The following ZNF407 variants were observed in gnomAD, a reference collection of about 807,000 sequenced individuals.
ZNF407 encodes zinc finger protein 407.
In ZNF407, 17 loss-of-function variants were observed where a neutral mutation model predicts 131.2. The observed-to-expected ratio is 0.13, with a 90% CI of 0.09 to 0.19. ZNF407 has a LOEUF of 0.19. Among genes scored for constraint, ZNF407 ranks in the 10% least tolerant of loss-of-function variants. The probability of loss-of-function intolerance (pLI) is 1.00; values close to 1 mark genes in which losing one functional copy is unlikely to be tolerated. For missense variants in ZNF407, 2,681 were observed against 2,830.6 expected (o/e 0.95, Z 1.20); for synonymous variants, 1,156 against 1,062.0 (o/e 1.09, Z -1.72).
chr18:74,997,295 C>T (rs960203695), intron 8 of ZNF407, among the ~76,000 whole-genome samples: 6 of 152,120 alleles, frequency 3.9e-5, no homozygotes, highest in Middle Eastern at 3.2e-3. Flanking sequence ...ATCAACTCAA[C>T]AGTTCCGTGA....
intron 3 of ZNF407, among the ~76,000 whole-genome samples, chr18:74,651,230 G>A (rs1043343774): frequency 1.3e-5 from 2 of 152,076 alleles, no homozygotes; most frequent in African/African-American, 4.8e-5. Context: ...TATGAAGAGC[G>A]ATGGAATTTA....
At chr18:74,789,928 CTGGTTGCCAGTCTAAATCA>C (rs1013552668) in intron 4 of ZNF407, among the ~76,000 whole-genome samples, 2 of 150,630 alleles carry the variant, frequency 1.3e-5, no homozygotes, top group African/African-American at 4.9e-5. Flanking sequence ...CCCACCTCTC[CTGGTTGCCAGTCTAAATCA>C]TGTCTTTATT....
At chr18:74,820,025 A>T (rs1970319161) in intron 4 of ZNF407, among the ~76,000 whole-genome samples, 1 of 152,172 alleles carries the variant, frequency 6.6e-6, no homozygotes, top group Non-Finnish European at 1.5e-5. Flanking sequence ...GCACTGAAGG[A>T]GGGCAGTGTA....
chr18:74,737,603 T>C (rs982571313), intron 3 of ZNF407, among the ~76,000 whole-genome samples: 1 of 152,182 alleles, frequency 6.6e-6, no homozygotes, highest in Admixed American at 6.5e-5. Context: ...GTGCAGTGCA[T>C]GTGTGTGGAT....
At chr18:74,662,240 G>T (rs1985747030) in intron 3 of ZNF407, among the ~76,000 whole-genome samples, 1 of 152,130 alleles carries the variant, frequency 6.6e-6, no homozygotes, top group Non-Finnish European at 1.5e-5. Context: ...TGGTAACTCA[G>T]AAAGGGCTTT....
chr18:74,796,623 GA>G (rs1385943222), intron 4 of ZNF407, among the ~76,000 whole-genome samples: 3 of 152,046 alleles, frequency 2.0e-5, no homozygotes, highest in Non-Finnish European at 4.4e-5. Context: ...CATCTTTTTT[GA>G]AAAGCAAGCT....
At chr18:74,833,216 C>G (rs754171147) in intron 4 of ZNF407, among the ~76,000 whole-genome samples, 1 of 152,218 alleles carries the variant, frequency 6.6e-6, no homozygotes, top group Non-Finnish European at 1.5e-5. Context: ...CTCTTAGCAG[C>G]TGTTGCAGGG....
intron 4 of ZNF407, among the ~76,000 whole-genome samples, chr18:74,851,838 G>T (rs1274132379): frequency 6.6e-6 from 1 of 152,172 alleles, no homozygotes; most frequent in Admixed American, 6.5e-5. Context: ...CATTCATTTG[G>T]AATTCTTGCT....
rs75634049 is a variant in ZNF407, at chr18:74,976,454, G to A, written c.5428+55762G>A. The stretch of plus-strand genomic sequence containing the variant: ...CCCTGCAGGTTGATCACAGACCTGC[G>A]ACCTGTAATTCAATAGAGCTGGGCC... On this transcript the variant is annotated intron_variant, in intron 8 of 8. Transcript: ENST00000299687. 2.8e-4 allele frequency among the ~76,000 whole-genome samples: 43 copies of A among 152,240 alleles called. 1 individual carries two copies. The East Asian group carries it at 7.9e-3, about 28-fold the overall frequency.
At chr18:74,808,201 CAG>C (rs774042897) in intron 4 of ZNF407, among the ~76,000 whole-genome samples, 18 of 152,222 alleles carry the variant, frequency 1.2e-4, no homozygotes, top group Non-Finnish European at 2.4e-4. Context: ...TTAGTAGAGA[CAG>C]GGGTTTCTCC....
intron 7 of ZNF407, among the ~76,000 whole-genome samples, chr18:74,910,905 C>T (rs1409585698): frequency 6.6e-6 from 1 of 152,096 alleles, no homozygotes; most frequent in Non-Finnish European, 1.5e-5. Flanking sequence ...TTCCCGTATC[C>T]CTTTCCCACC....
Position 74,981,339 on chromosome 18 carries a change from C to T in ZNF407, c.5428+60647C>T, listed in dbSNP as rs111509712. Among the ~76,000 whole-genome samples, 260 of 152,292 alleles carry T rather than the reference C, an allele frequency of 1.7e-3. 2 individuals carry two copies. Among genetic ancestry groups the T allele is most frequent in the African/African-American group, 5.9e-3 (247 of 41,562 alleles). On this transcript the variant is annotated intron_variant, in intron 8 of 8. Coordinates refer to ENST00000299687, the MANE Select transcript of ZNF407 (RefSeq NM_017757.3). Reference sequence around the variant, plus strand: ...GTCTAGGAGTGAGTCCCTGGAAAGCCGCAGCTCCAGGCCTCAGTTGAGTGA... The same window carrying T: ...GTCTAGGAGTGAGTCCCTGGAAAGCTGCAGCTCCAGGCCTCAGTTGAGTGA...
intron 8 of ZNF407, among the ~76,000 whole-genome samples, chr18:74,990,829 G>T (rs930807773): frequency 3.3e-5 from 5 of 152,184 alleles, no homozygotes; most frequent in African/African-American, 1.2e-4. Context: ...TGGATGAACT[G>T]CAATCTGTTC....
chr18:74,812,332 A>C (rs1970208803), intron 4 of ZNF407, among the ~76,000 whole-genome samples: 1 of 152,224 alleles, frequency 6.6e-6, no homozygotes, highest in South Asian at 2.1e-4. Context: ...CTACTTAGCA[A>C]ATTGCTTACA....
At chr18:74,992,263 A>G (rs1168357675) in intron 8 of ZNF407, among the ~76,000 whole-genome samples, 2 of 152,228 alleles carry the variant, frequency 1.3e-5, no homozygotes, top group African/African-American at 4.8e-5. Flanking sequence ...TAAAAGATAA[A>G]GTACTATAAA....
chr18:74,853,938 G>A (rs977464934), intron 4 of ZNF407, among the ~76,000 whole-genome samples: 1 of 152,164 alleles, frequency 6.6e-6, no homozygotes, highest in Admixed American at 6.5e-5. Context: ...TTTGTTTTCG[G>A]ATCAGTGGGA....
At chr18:74,825,962 AACC>A (rs1386453986) in intron 4 of ZNF407, among the ~76,000 whole-genome samples, 8 of 152,190 alleles carry the variant, frequency 5.3e-5, no homozygotes, top group Non-Finnish European at 1.0e-4. Flanking sequence ...GAGCTCACCT[AACC>A]ACATACACTA....
At chr18:74,781,402 T>C (rs1339507700) in intron 3 of ZNF407, 26 bp from the exon 4 acceptor site, 2 of 1,477,382 alleles carry the variant, frequency 1.4e-6, no homozygotes, top group Admixed American at 4.3e-5. Context: ...GTTTTAGTTT[T>C]ATAATTACTT....
At chr18:74,621,329 A>C (rs1983500763) in intron 1 of ZNF407, among the ~76,000 whole-genome samples, 2 of 152,244 alleles carry the variant, frequency 1.3e-5, no homozygotes, top group South Asian at 2.1e-4. Flanking sequence ...ATAAGCATTT[A>C]TCATCTCTCA....
Sources: gnomAD v4.1 joint callset for allele counts (sites outside exome capture counted in the v4.1 genomes callset) on GRCh38, gnomAD v4.1.1 for gene constraint, MANE v1.5 for transcripts, NCBI Gene and HGNC (gene_info 2026-07-23, HGNC 2026-07-21) for gene names.